Variants in HEPN1 observed in about 807,000 individuals in gnomAD.
HEPN1 encodes the protein hepatocellular carcinoma, down-regulated 1.
For missense variants in HEPN1, 97 were observed against 103.3 expected, an observed-to-expected ratio of 0.94 and a Z score of 0.26; for synonymous variants, 46 against 41.2, an observed-to-expected ratio of 1.12 and a Z score of -0.45.
rs1175871873 is a variant in HEPN1 at position 124,919,440 on chromosome 11, G to A, written c.-311G>A. Reference sequence around the variant, plus strand: ...CCTCAGGGATTCAGCACCAGGGTATGGCATGTTCTCATCTCACCCTAACCT... The same window carrying A: ...CCTCAGGGATTCAGCACCAGGGTATAGCATGTTCTCATCTCACCCTAACCT... On this transcript the variant is annotated 5_prime_UTR_variant, in exon 1 of 1. It removes an upstream start codon present in the reference 5' UTR. Coordinates refer to ENST00000408930, the Ensembl canonical transcript of HEPN1. 2.7e-6 allele frequency: 1 copy of A among 364,062 alleles called. No homozygotes were observed. The highest frequency in any genetic ancestry group is 5.0e-6 in the Non-Finnish European group (1 of 199,268). 22.6% of individuals were successfully genotyped at this position (364,062 alleles called of 1,614,324 possible).
chr11:124,920,305 T>C, exon 1 of HEPN1: 2 of 1,282,928 alleles, frequency 1.6e-6, no homozygotes, highest in Non-Finnish European at 2.2e-6. Flanking sequence ...TGGTCTAGTT[T>C]TCGGGCCAGG....
exon 1 of HEPN1, chr11:124,920,606 C>T: frequency 9.1e-7 from 1 of 1,096,836 alleles, no homozygotes; most frequent in South Asian, 3.0e-5. Flanking sequence ...CACCCAGTAA[C>T]CGGCATCTGG....
At chr11:124,920,364 T>C in exon 1 of HEPN1, 1 of 1,535,462 alleles carries the variant, frequency 6.5e-7, no homozygotes, top group Non-Finnish European at 8.8e-7. Flanking sequence ...ATCCATCTCT[T>C]TTATTCATGA....
chr11:124,919,453 CTCACCCTAACCT>C lies in HEPN1; in HGVS notation c.-292_-281del. The C allele has an allele frequency of 2.4e-6, 1 of 410,382 alleles. No individual in the cohort carries two copies. Among genetic ancestry groups the C allele is most frequent in the Admixed American group, 3.8e-5 (1 of 26,350 alleles). The allele number at this position is 410,382 out of a possible 1,614,324, so 25.4% of individuals were successfully genotyped here. Reference sequence around the variant, plus strand: ...GCACCAGGGTATGGCATGTTCTCATCTCACCCTAACCTTCACCTGTGCATCTCAAGGCTGACC... The same window carrying C: ...GCACCAGGGTATGGCATGTTCTCATCTCACCTGTGCATCTCAAGGCTGACC... On this transcript the variant is annotated 5_prime_UTR_variant, in exon 1 of 1. The change abolishes the stop of an existing upstream ORF in the 5' untranslated region. Coordinates refer to ENST00000408930, the Ensembl canonical transcript of HEPN1.
chr11:124,920,639 T>TGTG, exon 1 of HEPN1: 1 of 1,004,194 alleles, frequency 1.0e-6, no homozygotes, highest in Non-Finnish European at 1.2e-6. Flanking sequence ...TTAGTGCAGC[T>TGTG]GTGGATTCTG....
chr11:124,919,876 C>T (rs1405434163), exon 1 of HEPN1: 12 of 1,614,114 alleles, frequency 7.4e-6, no homozygotes, highest in South Asian at 1.1e-5. Context: ...CACAGAGGGC[C>T]TCCTTCTCTT....
chr11:124,920,307 C>A lies in HEPN1; in HGVS notation c.*290C>A, dbSNP rs115556036. ...ACAGTTCCTCATTTGGTCTAGTTTT[C>A]GGGCCAGGGGAGTAAGTGAAATTCA... On this transcript the variant is annotated 3_prime_UTR_variant, in exon 1 of 1. Transcript: ENST00000408930. 1,372 of 1,289,320 alleles carry A rather than the reference C, an allele frequency of 1.1e-3. 13 individuals carry two copies. The African/African-American group carries it at 0.019, about 18-fold the overall frequency. The allele number at this position is 1,289,320 out of a possible 1,614,324, so 79.9% of individuals were successfully genotyped here.
exon 1 of HEPN1, chr11:124,920,555 G>A: frequency 7.3e-7 from 1 of 1,363,180 alleles, no homozygotes; most frequent in South Asian, 1.5e-5. Flanking sequence ...CAGGGAAGAA[G>A]GCCTTCACAA....
Position 124,919,569 on chromosome 11 carries a change from A to G in HEPN1, c.-182A>G. The G allele has an allele frequency of 1.6e-6, 1 of 634,722 alleles. No individual in the cohort carries two copies. The highest frequency in any genetic ancestry group is 2.7e-5 in the East Asian group (1 of 36,572). 39.3% of individuals were successfully genotyped at this position (634,722 alleles called of 1,614,324 possible). ...TTTCCCCTACATGCATTATCTCATT[A>G]TGGATGAGGCACCTGGGAAGTTTAG... is the stretch of plus-strand genomic sequence containing the variant. On this transcript the variant is annotated 5_prime_UTR_variant, in exon 1 of 1. It removes an upstream start codon present in the reference 5' UTR. Coordinates refer to ENST00000408930, the Ensembl canonical transcript of HEPN1.
exon 1 of HEPN1, chr11:124,919,985 C>T (rs200260330): frequency 3.8e-5 from 61 of 1,613,310 alleles, no homozygotes; most frequent in Non-Finnish European, 4.4e-5. Flanking sequence ...GGCTACACAG[C>T]GGCCCAGCCT....
exon 1 of HEPN1, chr11:124,919,533 C>G: frequency 1.7e-6 from 1 of 587,040 alleles, no homozygotes; most frequent in Non-Finnish European, 3.0e-6. Context: ...CTTCCACCTT[C>G]TTGAGAAACT....
chr11:124,919,891 C>A (rs1381553540), exon 1 of HEPN1: 1 of 1,614,012 alleles, frequency 6.2e-7, no homozygotes, highest in Non-Finnish European at 8.5e-7. Context: ...TCTCTTTCAG[C>A]TTTTTAATTG....
chr11:124,919,979 A>G (rs1275323885), exon 1 of HEPN1: 3 of 1,613,536 alleles, frequency 1.9e-6, no homozygotes, highest in African/African-American at 2.7e-5. Flanking sequence ...TGTCCTGGCT[A>G]CACAGCGGCC....
exon 1 of HEPN1, chr11:124,920,128 C>G (rs2135393827): frequency 8.2e-7 from 1 of 1,226,750 alleles, no homozygotes; most frequent in East Asian, 2.3e-5. Context: ...TGCTGGGAAG[C>G]AATAAGCCTC....
exon 1 of HEPN1, chr11:124,920,188 G>C: frequency 1.1e-6 from 1 of 901,024 alleles, no homozygotes; most frequent in Non-Finnish European, 1.7e-6. Context: ...CTCACAGCTG[G>C]AGGAAGCTCA....
exon 1 of HEPN1, chr11:124,919,966 G>T (rs371693438): frequency 2.5e-6 from 4 of 1,613,602 alleles, no homozygotes; most frequent in Non-Finnish European, 3.4e-6. Flanking sequence ...GGTGGCATGG[G>T]CATGTCCTGG....
In HEPN1 at chr11:124,919,850, A is replaced by T. The variant is rs777901233; in HGVS notation, c.100A>T (p.Arg34Trp). The T allele has an allele frequency of 3.7e-6, 6 of 1,613,800 alleles. No individual in the cohort carries two copies. In the East Asian group the frequency reaches 1.3e-4, roughly 36 times the overall value. ...GCAAGGACCCTTGGAGGCATTAAGG[A>T]GGAGGGAATGGAATACACAGAGGGC... is the stretch of plus-strand genomic sequence containing the variant. Residue 34 changes from arginine (R) to tryptophan (W), a missense_variant, in exon 1 of 1, where the codon AGG (arginine) becomes TGG (tryptophan). Coordinates refer to ENST00000408930, the Ensembl canonical transcript of HEPN1.
exon 1 of HEPN1, chr11:124,920,067 C>G (rs1480588296): frequency 6.3e-7 from 1 of 1,581,426 alleles, no homozygotes; most frequent in Non-Finnish European, 8.6e-7. Context: ...CATGTGGGAG[C>G]AGGGCAGATG....
At chr11:124,920,030 C>A (rs1346351165) in exon 1 of HEPN1, 5 of 1,607,690 alleles carry the variant, frequency 3.1e-6, no homozygotes, top group Non-Finnish European at 3.4e-6. Context: ...AGGGAGTCTG[C>A]CCTTTTTCTG....
Sources: allele counts gnomAD v4.1 joint callset, GRCh38; gene constraint gnomAD v4.1.1; transcripts MANE v1.5; gene names NCBI Gene and HGNC (gene_info 2026-07-23, HGNC 2026-07-21).